Variants in CSF2RA observed in about 807,000 individuals in gnomAD.
The protein encoded by CSF2RA is colony stimulating factor 2 receptor subunit alpha, also known as granulocyte-macrophage colony-stimulating factor receptor subunit alpha.
CSF2RA carries 42 observed loss-of-function variants against 51.6 expected under a neutral mutation model. The observed-to-expected ratio is 0.81, with a 90% confidence interval of 0.64 to 1.05. CSF2RA has a LOEUF of 1.05. Ranked by LOEUF, CSF2RA falls within the 50% of genes least tolerant of loss-of-function variation. The pLI is 0.00. For synonymous variants in CSF2RA, 222 were observed against 193.0 expected (o/e 1.15, Z -1.24); for missense variants, 530 against 501.1 (o/e 1.06, Z -0.55).
chrX:1,283,135 C>A (rs562594138), intron 3 of CSF2RA, among the ~76,000 whole-genome samples: 1 of 70,896 alleles, frequency 1.4e-5, no homozygotes, highest in Non-Finnish European at 3.1e-5. Flanking sequence ...TCCTTCCTTC[C>A]TTCCTTCCTT....
chrX:1,288,988 G>C, intron 6 of CSF2RA, 100 bp downstream of exon 6: 1 of 1,519,764 alleles, frequency 6.6e-7, no homozygotes. Flanking sequence ...TTAAGACATG[G>C]TCTTGCTCTG....
intron 2 of CSF2RA, among the ~76,000 whole-genome samples, chrX:1,280,874 T>TTCTCCTCCTCCTTCTCCTCCTCCTC (rs1569494246): frequency 3.7e-4 from 14 of 37,966 alleles, no homozygotes; most frequent in South Asian, 1.1e-3. Context: ...TCCTCCTCCT[T>TTCTCCTCCTCCTTCTCCTCCTCCTC]CTCCTGCTCC....
chrX:1,286,786 C>A (rs2090726597), intron 4 of CSF2RA, among the ~76,000 whole-genome samples: 1 of 152,018 alleles, frequency 6.6e-6, no homozygotes, highest in Non-Finnish European at 1.5e-5. Flanking sequence ...GAAATCCTGG[C>A]AAATGCAGTT....
chrX:1,274,450 G>C lies in CSF2RA; in HGVS notation c.-90-305G>C, dbSNP rs193109909. 1.8e-3 allele frequency among the ~76,000 whole-genome samples: 265 copies of C among 148,764 alleles called. 1 individual carries two copies. Among genetic ancestry groups the C allele is most frequent in the South Asian group, 0.016 (73 of 4,648 alleles). ...AGCTATTCTCCTGCCACAGCCTTCT[G>C]AGTAGCTGGGATTATAGGCACCCAC... On this transcript the variant is annotated intron_variant, in intron 1 of 12. Coordinates refer to ENST00000381529, the MANE Select transcript of CSF2RA (RefSeq NM_172245.4).
intron 7 of CSF2RA, 122 bp downstream of exon 7, chrX:1,290,631 G>T: frequency 1.0e-6 from 1 of 971,138 alleles, no homozygotes; most frequent in Non-Finnish European, 1.7e-6. Context: ...TTGGGAGGCC[G>T]AGGCGGGCCG....
chrX:1,290,156 G>T (rs1356309498), intron 6 of CSF2RA, among the ~76,000 whole-genome samples, 181 bp from the exon 7 acceptor site: 1 of 93,888 alleles, frequency 1.1e-5, no homozygotes. Context: ...TTTTCGTTTT[G>T]TTTTGTGTTT....
chrX:1,281,307 T>C (rs1471863713), intron 2 of CSF2RA, among the ~76,000 whole-genome samples: 210 of 48,654 alleles, frequency 4.3e-3, no homozygotes, highest in South Asian at 8.6e-3. Flanking sequence ...CCTCCTTCTC[T>C]TCCTTCTCCT....
At chrX:1,277,363 A>T (rs1271949547) in intron 2 of CSF2RA, among the ~76,000 whole-genome samples, 1 of 149,180 alleles carries the variant, frequency 6.7e-6, no homozygotes, top group Non-Finnish European at 1.5e-5. Flanking sequence ...CTTGGGAGGC[A>T]GAGGCGGGCG....
chrX:1,286,926 A>G (rs2090746360), intron 4 of CSF2RA, among the ~76,000 whole-genome samples: 1 of 151,994 alleles, frequency 6.6e-6, no homozygotes. Flanking sequence ...GGAGACAGAG[A>G]CAGAAGAGCG....
chrX:1,298,944 C>A (rs2092189479), intron 9 of CSF2RA, among the ~76,000 whole-genome samples: 1 of 152,030 alleles, frequency 6.6e-6, no homozygotes, highest in African/African-American at 2.4e-5. Flanking sequence ...CCACTCACAA[C>A]CCTAGCGTCA....
intron 6 of CSF2RA, chrX:1,289,252 C>G (rs1160177769): frequency 3.2e-5 from 11 of 341,004 alleles, no homozygotes; most frequent in Admixed American, 1.3e-4. Flanking sequence ...CTCAGCCTCC[C>G]AAGTAGCTGG....
At chrX:1,271,917 G>C (rs2088485041) in intron 1 of CSF2RA, among the ~76,000 whole-genome samples, 1 of 151,796 alleles carries the variant, frequency 6.6e-6, no homozygotes, top group South Asian at 2.1e-4. Context: ...ACAGACATGA[G>C]GCAGATTGAT....
intron 2 of CSF2RA, among the ~76,000 whole-genome samples, chrX:1,279,468 C>G (rs1223484275): frequency 7.9e-5 from 12 of 152,046 alleles, no homozygotes; most frequent in African/African-American, 2.4e-4. Flanking sequence ...ACTTCTACAC[C>G]TGTTACCACC....
In CSF2RA at chrX:1,274,818, T is replaced by C; in HGVS notation, c.-27T>C. ...AAGCGGCGATGTTTGCGTAGAACCCTGTACGTGCTTCCTTCGGCCTGTCGG... is the reference window on the plus strand; with the variant it reads ...AAGCGGCGATGTTTGCGTAGAACCCCGTACGTGCTTCCTTCGGCCTGTCGG... On this transcript the variant is annotated splice_region_variant and 5_prime_UTR_variant, in exon 2 of 13. Transcript: ENST00000381529. The C allele has an allele frequency of 2.2e-6, 1 of 453,692 alleles. No individual in the cohort carries two copies. The highest frequency in any genetic ancestry group is 4.4e-6 in the Non-Finnish European group (1 of 226,722). 28.1% of individuals were successfully genotyped at this position (453,692 alleles called of 1,614,324 possible). A position where few individuals can be genotyped will look rare whatever the true frequency, so the allele number is the denominator to read the frequency against.
intron 7 of CSF2RA, among the ~76,000 whole-genome samples, chrX:1,292,327 G>T (rs1225211870): frequency 1.3e-5 from 2 of 152,210 alleles, no homozygotes; most frequent in African/African-American, 4.8e-5. Context: ...GGTATTTCTC[G>T]TCAGGTGGGA....
the CSF2RA span, among the ~76,000 whole-genome samples, chrX:1,324,373 AAGAG>A: frequency 1.5e-4 from 23 of 148,908 alleles, no homozygotes; most frequent in African/African-American, 5.5e-4. Context: ...AAAGGAAAGA[AAGAG>A]AAAGAAAGAA....
chrX:1,322,459 T>TC, the CSF2RA span, among the ~76,000 whole-genome samples: 1 of 146,470 alleles, frequency 6.8e-6, no homozygotes, highest in African/African-American at 2.5e-5. Flanking sequence ...TTTTTTTTTT[T>TC]GAAAGGTAGC....
intron 6 of CSF2RA, chrX:1,289,173 G>A: frequency 2.1e-6 from 1 of 465,802 alleles, no homozygotes; most frequent in South Asian, 2.1e-5. Flanking sequence ...GCCCAGGCTG[G>A]AGTGTAGTGA....
chrX:1,300,709 G>C, intron 10 of CSF2RA, 83 bp downstream of exon 10: 2 of 1,581,328 alleles, frequency 1.3e-6, no homozygotes, highest in South Asian at 2.2e-5. Flanking sequence ...GCTCTGTCCT[G>C]GGCGCTGAGA....
Sources: gnomAD v4.1 joint callset for allele counts (sites outside exome capture counted in the v4.1 genomes callset) on GRCh38, gnomAD v4.1.1 for gene constraint, MANE v1.5 for transcripts, NCBI Gene and HGNC (gene_info 2026-07-23, HGNC 2026-07-21) for gene names.